DRAM2: variants seen among roughly 807,000 people sequenced by gnomAD.
DRAM2 encodes the protein DNA damage regulated autophagy modulator 2.
Under a neutral mutation model 33.5 loss-of-function variants are expected in DRAM2, and 26 were observed. The observed-to-expected ratio is 0.78, with a 90% CI of 0.57 to 1.08. The LOEUF is 1.08. DRAM2 is among the 50% of genes least tolerant of loss of function. The pLI is 0.00. For synonymous variants in DRAM2, 98 were observed against 109.5 expected (o/e 0.89, Z 0.66); for missense variants, 311 against 318.1 (o/e 0.98, Z 0.17).
chr1:111,138,648 G>C (rs929184939), intron 2 of DRAM2, among the ~76,000 whole-genome samples: 1 of 152,174 alleles, frequency 6.6e-6, no homozygotes, highest in Non-Finnish European at 1.5e-5. Flanking sequence ...GCTGGGCGTG[G>C]TGGCGGGCGC....
At chr1:111,136,503 T>C (rs1653195307) in intron 3 of DRAM2, among the ~76,000 whole-genome samples, 1 of 151,946 alleles carries the variant, frequency 6.6e-6, no homozygotes, top group Non-Finnish European at 1.5e-5. Flanking sequence ...GAGAATCGCT[T>C]GACCCAGGGA....
At chr1:111,130,668 C>T (rs549578831) in intron 4 of DRAM2, among the ~76,000 whole-genome samples, 2 of 149,768 alleles carry the variant, frequency 1.3e-5, no homozygotes, top group African/African-American at 4.9e-5. Flanking sequence ...CCACTGCACT[C>T]CAGCCTGGGC....
chr1:111,133,279 G>A (rs899398985), intron 3 of DRAM2, among the ~76,000 whole-genome samples: 1 of 150,502 alleles, frequency 6.6e-6, no homozygotes, highest in South Asian at 2.1e-4. Context: ...CCAGGTTCAA[G>A]AGATTCTCCT....
intron 7 of DRAM2, 33 bp downstream of exon 7, chr1:111,120,483 C>T: frequency 7.2e-7 from 1 of 1,384,300 alleles, no homozygotes; most frequent in South Asian, 1.5e-5. Context: ...CAATTCCTTT[C>T]CAAGTGTAGC....
intron 4 of DRAM2, among the ~76,000 whole-genome samples, chr1:111,130,000 A>C (rs1296331530): frequency 6.6e-6 from 1 of 152,174 alleles, no homozygotes; most frequent in Non-Finnish European, 1.5e-5. Context: ...TATTGTTTAA[A>C]ATTTGTTGTA....
At position 111,117,957 on chromosome 1, in the gene DRAM2, G is replaced by A. The variant is rs1004422005; in HGVS notation, c.*203C>T. 5.2e-6 allele frequency: 3 copies of A among 580,368 alleles called. No homozygotes were observed. The highest frequency in any genetic ancestry group is 1.9e-5 in the African/African-American group (1 of 53,008). 36.0% of individuals were successfully genotyped at this position (580,368 alleles called of 1,614,324 possible). A position where few individuals can be genotyped will look rare whatever the true frequency, so the allele number is the denominator to read the frequency against. On this transcript the variant is annotated 3_prime_UTR_variant, in exon 10 of 10. Coordinates refer to ENST00000484310, the MANE Select transcript of DRAM2 (RefSeq NM_001349884.2). ...GAGATAAAAAAGTATAGGCATAGGT[G>A]TTTTTAATAGTCTTCTTGATGATAT...
Position 111,117,889 on chromosome 1 carries a change from G to GTA in DRAM2, c.*269_*270dup. On this transcript the variant is annotated 3_prime_UTR_variant, in exon 10 of 10. Transcript: ENST00000484310. ...CGTCAGGTTGTTTCTCTTAAATAAG[G>GTA]TATAAAAAACTATGATATCATAGTC... 1 of 418,018 alleles carries GTA rather than the reference G, an allele frequency of 2.4e-6. No individual in the cohort carries two copies. Among genetic ancestry groups the GTA allele is most frequent in the Non-Finnish European group, 4.3e-6 (1 of 229,918 alleles). 25.9% of individuals were successfully genotyped at this position (418,018 alleles called of 1,614,324 possible).
Position 111,127,106 on chromosome 1 carries a change from A to G in DRAM2, c.132-812T>C, listed in dbSNP as rs187737258. On this transcript the variant is annotated intron_variant, in intron 4 of 9. Coordinates refer to ENST00000484310, the MANE Select transcript of DRAM2 (RefSeq NM_001349884.2). ...AAAATGGAGCTATTCATTCCCTCCC[A>G]GCTCATCATATCACTGTAAGGATGA... 3.9e-5 allele frequency among the ~76,000 whole-genome samples: 6 copies of G among 152,320 alleles called. No individual in the cohort carries two copies. In the East Asian group the frequency reaches 1.2e-3, roughly 29 times the overall value.
chr1:111,129,712 T>C (rs4839102), intron 4 of DRAM2, among the ~76,000 whole-genome samples: 13 of 152,144 alleles, frequency 8.5e-5, no homozygotes, highest in Admixed American at 6.5e-5. Context: ...GAAACCTTCA[T>C]TATAGTACTG....
At chr1:111,126,479 C>T (rs925700127) in intron 4 of DRAM2, among the ~76,000 whole-genome samples, 185 bp from the exon 5 acceptor site, 1 of 151,838 alleles carries the variant, frequency 6.6e-6, no homozygotes, top group Admixed American at 6.6e-5. Context: ...GCCTACTTCA[C>T]CTTTTACTCA....
intron 4 of DRAM2, among the ~76,000 whole-genome samples, chr1:111,128,578 C>T (rs914676126): frequency 1.3e-5 from 2 of 152,198 alleles, no homozygotes; most frequent in Non-Finnish European, 2.9e-5. Context: ...AGTCTCTTAA[C>T]ATAAAATGGT....
chr1:111,133,138 G>C lies in DRAM2; in HGVS notation c.-14-1570C>G, dbSNP rs149130679. Among the ~76,000 whole-genome samples, 829 of 150,250 alleles carry C rather than the reference G, an allele frequency of 5.5e-3. 8 individuals carry two copies. Among genetic ancestry groups the C allele is most frequent in the African/African-American group, 0.02 (808 of 40,790 alleles). On this transcript the variant is annotated intron_variant, in intron 3 of 9. Coordinates refer to ENST00000484310, the MANE Select transcript of DRAM2 (RefSeq NM_001349884.2). ...ATACCCTTAGTCTTTGCTCCTTAAC[G>C]TGGTCCATAAGGTCCTTGCATTGTC... is the stretch of plus-strand genomic sequence containing the variant.
At chr1:111,132,411 T>TA (rs1220747057) in intron 3 of DRAM2, among the ~76,000 whole-genome samples, 1 of 152,190 alleles carries the variant, frequency 6.6e-6, no homozygotes, top group African/African-American at 2.4e-5. Flanking sequence ...GTGAGAACCT[T>TA]AGTTTATAGC....
At chr1:111,132,521 G>A (rs1652306420) in intron 3 of DRAM2, among the ~76,000 whole-genome samples, 1 of 152,146 alleles carries the variant, frequency 6.6e-6, no homozygotes, top group East Asian at 1.9e-4. Context: ...AGTGCGATCT[G>A]ATGCTATCTC....
Position 111,118,879 on chromosome 1 carries a change from TC to T in DRAM2, c.618del (p.Met206IlefsTer19). 6.2e-7 allele frequency: 1 copy of T among 1,608,966 alleles called. No homozygotes were observed. The highest frequency in any genetic ancestry group is 2.2e-5 in the East Asian group (1 of 44,536). ...NPEDKGYVLH[M>X]ITTAAEWSMS... ...ATAGACCATTCTGCTGCAGTAGTGATCATGTGAAGCACATAACCCTGAGTGA... is the reference window on the plus strand; with the variant it reads ...ATAGACCATTCTGCTGCAGTAGTGATATGTGAAGCACATAACCCTGAGTGA... On this transcript the variant is annotated frameshift_variant, in exon 9 of 10. Coordinates refer to ENST00000484310, the MANE Select transcript of DRAM2 (RefSeq NM_001349884.2). LOFTEE classifies it high-confidence loss of function.
At chr1:111,123,640 A>G (rs1650444713) in intron 6 of DRAM2, among the ~76,000 whole-genome samples, 1 of 151,912 alleles carries the variant, frequency 6.6e-6, no homozygotes, top group African/African-American at 2.4e-5. Context: ...ACCCCTCCAA[A>G]TCTCAAGTTG....
In DRAM2 at chr1:111,118,000, C is replaced by A; in HGVS notation, c.*160G>T. 1 of 655,586 alleles carries A rather than the reference C, an allele frequency of 1.5e-6. No individual in the cohort carries two copies. Among genetic ancestry groups the A allele is most frequent in the Non-Finnish European group, 2.7e-6 (1 of 374,900 alleles). 40.6% of individuals were successfully genotyped at this position (655,586 alleles called of 1,614,324 possible). On this transcript the variant is annotated 3_prime_UTR_variant, in exon 10 of 10. Transcript: ENST00000484310. ...GATGATATCCTTTAGAATAATCTATCAAATGGCTTCTTTCATGTTTCCTGA... is the reference window on the plus strand; with the variant it reads ...GATGATATCCTTTAGAATAATCTATAAAATGGCTTCTTTCATGTTTCCTGA...
Position 111,124,809 on chromosome 1 carries a change from A to C in DRAM2, c.272T>G (p.Leu91Ter). 6.2e-7 allele frequency: 1 copy of C among 1,613,588 alleles called. No homozygotes were observed. The highest frequency in any genetic ancestry group is 8.5e-7 in the Non-Finnish European group (1 of 1,179,706). The change falls in exon 6 of 10, where the codon TTA (leucine) becomes TGA (stop). Residue 91 changes from leucine (L) to a stop codon, truncating the protein, a stop_gained. Coordinates refer to ENST00000484310, the MANE Select transcript of DRAM2 (RefSeq NM_001349884.2). LOFTEE classifies it high-confidence loss of function. ...TCCAAGTACAAGGCCAGCCTTGTTT[A>C]ATTTGATGATAACGTTCTCTTCAGG... is the stretch of plus-strand genomic sequence containing the variant. ...LSPEENVIIK[L>*]NKAGLVLGIL...
chr1:111,133,864 A>C (rs911024966), intron 3 of DRAM2, among the ~76,000 whole-genome samples: 2 of 152,240 alleles, frequency 1.3e-5, no homozygotes, highest in African/African-American at 4.8e-5. Context: ...ATGTTTTTCA[A>C]GGCTCAATCT....
Sources: allele counts gnomAD v4.1 joint callset (sites outside exome capture counted in the v4.1 genomes callset), GRCh38; gene constraint gnomAD v4.1.1; transcripts MANE v1.5; gene names NCBI Gene and HGNC (gene_info 2026-07-23, HGNC 2026-07-21).